JARID2: variants seen among roughly 807,000 people sequenced by gnomAD.
The protein encoded by JARID2 is jumonji and AT-rich interaction domain containing 2.
Under a neutral mutation model 125.6 loss-of-function variants are expected in JARID2, and 21 were observed. That is an observed-to-expected ratio of 0.17 (90% CI 0.12 to 0.24). The LOEUF (loss-of-function observed/expected upper bound fraction) is 0.24. Ranked by LOEUF, JARID2 falls within the 10% of genes least tolerant of loss-of-function variation. The pLI, the probability that JARID2 is intolerant of heterozygous loss-of-function variation, is 1.00. For synonymous variants in JARID2, 736 were observed against 661.6 expected (o/e 1.11, Z -1.73); for missense variants, 1,303 against 1,639.6 (o/e 0.79, Z 3.55).
chr6:15,486,680 G>A (rs1351199044), intron 5 of JARID2, among the ~76,000 whole-genome samples: 1 of 152,162 alleles, frequency 6.6e-6, no homozygotes, highest in Non-Finnish European at 1.5e-5. Context: ...CTGGCTCAAA[G>A]TTCCATCATC....
chr6:15,431,990 T>C (rs1766984741), intron 3 of JARID2, among the ~76,000 whole-genome samples: 1 of 152,184 alleles, frequency 6.6e-6, no homozygotes, highest in African/African-American at 2.4e-5. Flanking sequence ...TCCTGCACTT[T>C]TGCTAAGCCA....
chr6:15,313,199 A>G lies in JARID2; in HGVS notation c.46-60918A>G, dbSNP rs182021244. Among the ~76,000 whole-genome samples, 455 of 152,312 alleles carry G rather than the reference A, an allele frequency of 3.0e-3. 1 individual carries two copies. Among genetic ancestry groups the G allele is most frequent in the Non-Finnish European group, 5.5e-3 (371 of 68,030 alleles). On this transcript the variant is annotated intron_variant, in intron 1 of 17. Transcript: ENST00000341776. ...GTTAGGGAGAATATGTTGACTTAGA[A>G]TAGCAAGGAGCCATGGCACCCCAAG... is the stretch of plus-strand genomic sequence containing the variant.
At position 15,452,469 on chromosome 6, in the gene JARID2, G is replaced by C. The variant is rs112886566; in HGVS notation, c.493+294G>C. 7.2e-3 allele frequency among the ~76,000 whole-genome samples: 1,099 copies of C among 152,186 alleles called. 13 individuals carry two copies. The highest frequency in any genetic ancestry group is 0.025 in the African/African-American group (1,045 of 41,510). ...CTTTGACTTCTAATTTGATTTCTCT[G>C]CACCATACCACCACCTTGACACACA... On this transcript the variant is annotated intron_variant, in intron 4 of 17. Transcript: ENST00000341776.
At chr6:15,477,503 G>GT (rs1561890329) in intron 5 of JARID2, among the ~76,000 whole-genome samples, 5 of 74,002 alleles carry the variant, frequency 6.8e-5, no homozygotes, top group Admixed American at 1.9e-4. Flanking sequence ...TGGGAGTGTT[G>GT]GTTTTTTTTT....
chr6:15,470,478 A>G (rs1219652268), intron 5 of JARID2, among the ~76,000 whole-genome samples: 2 of 152,206 alleles, frequency 1.3e-5, no homozygotes, highest in Non-Finnish European at 2.9e-5. Flanking sequence ...CATAGCTTAG[A>G]CATGATTGAA....
chr6:15,468,169 CT>C (rs10700305), intron 4 of JARID2, among the ~76,000 whole-genome samples: 9,043 of 134,782 alleles, frequency 0.067, 380 homozygotes, highest in African/African-American at 0.13. Context: ...TCTTCTCTGT[CT>C]TTTTTTTTTT....
At chr6:15,431,788 C>G (rs1404124041) in intron 3 of JARID2, among the ~76,000 whole-genome samples, 1 of 152,108 alleles carries the variant, frequency 6.6e-6, no homozygotes, top group African/African-American at 2.4e-5. Flanking sequence ...CAGTGTTGTC[C>G]CTTTATTCAG....
intron 4 of JARID2, among the ~76,000 whole-genome samples, chr6:15,467,976 A>G (rs1464581798): frequency 6.6e-6 from 1 of 152,130 alleles, no homozygotes; most frequent in East Asian, 1.9e-4. Flanking sequence ...ACTTTTACTT[A>G]GTGCAGCGTG....
chr6:15,308,237 G>C (rs1237053939), intron 1 of JARID2, among the ~76,000 whole-genome samples: 3 of 152,122 alleles, frequency 2.0e-5, no homozygotes, highest in Non-Finnish European at 4.4e-5. Context: ...TTCTATGATG[G>C]AGTGCATTCT....
chr6:15,419,407 A>T (rs1766384696), intron 3 of JARID2, among the ~76,000 whole-genome samples: 2 of 152,180 alleles, frequency 1.3e-5, no homozygotes, highest in African/African-American at 2.4e-5. Context: ...AATATGGGTA[A>T]ATCTCGCCTA....
At chr6:15,501,506 T>G in intron 8 of JARID2, 97 bp downstream of exon 8, 4 of 1,236,954 alleles carry the variant, frequency 3.2e-6, no homozygotes, top group Non-Finnish European at 4.4e-6. Flanking sequence ...GTGTGTTCTC[T>G]GATTCCCTGG....
Position 15,329,180 on chromosome 6 carries a change from T to G in JARID2, c.46-44937T>G, listed in dbSNP as rs183858712. On this transcript the variant is annotated intron_variant, in intron 1 of 17. Transcript: ENST00000341776. ...AGAAACAAATGTCTCTTTAATATGG[T>G]TTTTTTTTTTTGGGGGATTATTTTG... Among the ~76,000 whole-genome samples, 571 of 28,782 alleles carry G rather than the reference T, an allele frequency of 0.02. 11 individuals carry two copies. The East Asian group carries it at 0.23, about 11-fold the overall frequency. The allele number at this position is 28,782 out of a possible 152,430, so 18.9% of individuals were successfully genotyped here. A position where few individuals can be genotyped will look rare whatever the true frequency, so the allele number is the denominator to read the frequency against.
chr6:15,479,549 A>T (rs1561891847), intron 5 of JARID2, among the ~76,000 whole-genome samples: 2 of 152,264 alleles, frequency 1.3e-5, no homozygotes, highest in South Asian at 2.1e-4. Flanking sequence ...AAAAGGAAGA[A>T]GATGTGATTG....
At chr6:15,451,940 C>T in intron 3 of JARID2, 66 bp from the exon 4 acceptor site, 1 of 1,463,082 alleles carries the variant, frequency 6.8e-7, no homozygotes, top group Non-Finnish European at 9.2e-7. Flanking sequence ...GATTTTATTG[C>T]CGCACGTAGG....
At chr6:15,282,547 T>C (rs947109277) in intron 1 of JARID2, among the ~76,000 whole-genome samples, 7 of 152,144 alleles carry the variant, frequency 4.6e-5, no homozygotes, top group African/African-American at 1.7e-4. Flanking sequence ...TCTTTCTCTC[T>C]CTGTCTTTGT....
chr6:15,457,266 C>T (rs1484645569), intron 4 of JARID2, among the ~76,000 whole-genome samples: 4 of 152,322 alleles, frequency 2.6e-5, no homozygotes, highest in African/African-American at 4.8e-5. Context: ...GCTAATGACG[C>T]ATATCCTTAG....
chr6:15,288,853 G>T (rs187157575), intron 1 of JARID2, among the ~76,000 whole-genome samples: 4 of 152,342 alleles, frequency 2.6e-5, no homozygotes, highest in Admixed American at 2.6e-4. Flanking sequence ...ATCTTACTTG[G>T]ATTTTGCCTC....
At chr6:15,417,624 G>A (rs182072927) in intron 3 of JARID2, among the ~76,000 whole-genome samples, 1 of 152,138 alleles carries the variant, frequency 6.6e-6, no homozygotes, top group Non-Finnish European at 1.5e-5. Flanking sequence ...TGAGCCTGTA[G>A]TCCCAGTTAC....
At chr6:15,295,489 A>G (rs1396285721) in intron 1 of JARID2, among the ~76,000 whole-genome samples, 1 of 152,148 alleles carries the variant, frequency 6.6e-6, no homozygotes, top group Admixed American at 6.5e-5. Flanking sequence ...TTTTAGGGCC[A>G]TTTCAACGGA....
Sources: allele counts gnomAD v4.1 joint callset (sites outside exome capture counted in the v4.1 genomes callset), GRCh38; gene constraint gnomAD v4.1.1; transcripts MANE v1.5; gene names NCBI Gene and HGNC (gene_info 2026-07-23, HGNC 2026-07-21).